Variants in MRPL42 observed in about 807,000 individuals in gnomAD.
The protein encoded by MRPL42 is mitochondrial ribosomal protein L42.
In MRPL42, 17 loss-of-function variants were observed where a neutral mutation model predicts 17.9. The ratio of observed to expected loss-of-function variants is 0.95; its 90% CI spans 0.65 to 1.42. MRPL42 has a LOEUF of 1.42. MRPL42 is among the 40% of genes most tolerant of loss of function. The probability of loss-of-function intolerance (pLI) is 0.00; values close to 1 mark genes in which losing one functional copy is unlikely to be tolerated. For synonymous variants in MRPL42, 59 were observed against 54.4 expected, an observed-to-expected ratio of 1.08 and a Z score of -0.37; for missense variants, 177 against 175.2, an observed-to-expected ratio of 1.01 and a Z score of -0.06.
intron 2 of MRPL42, among the ~76,000 whole-genome samples, chr12:93,471,633 C>T (rs1879916373): frequency 6.6e-6 from 1 of 152,132 alleles, no homozygotes; most frequent in Admixed American, 6.6e-5. Context: ...AGCTTTCCAT[C>T]CCTGCTTCCT....
chr12:93,479,204 T>A (rs1177568989), intron 3 of MRPL42, among the ~76,000 whole-genome samples, 184 bp from the exon 4 acceptor site: 4 of 151,168 alleles, frequency 2.6e-5, no homozygotes, highest in Non-Finnish European at 5.9e-5. Flanking sequence ...ATTACAGGCA[T>A]GAGCCACCAC....
rs189351410 is a variant in MRPL42, at chr12:93,488,957, C to G, written c.383+1297C>G. Among the ~76,000 whole-genome samples, 28 of 151,980 alleles carry G rather than the reference C, an allele frequency of 1.8e-4. No homozygotes were observed. In the East Asian group the frequency reaches 4.1e-3, roughly 22 times the overall value. The stretch of plus-strand genomic sequence containing the variant: ...CCTCCTTCCTCAGCCTCCTAAGTAG[C>G]TGGGATTACAGGCACACTCTGCCAC... On this transcript the variant is annotated intron_variant, in intron 5 of 5. Coordinates refer to ENST00000549982, the MANE Select transcript of MRPL42 (RefSeq NM_014050.4).
chr12:93,489,231 C>T (rs925947649), intron 5 of MRPL42, among the ~76,000 whole-genome samples: 5 of 151,956 alleles, frequency 3.3e-5, no homozygotes, highest in African/African-American at 9.7e-5. Flanking sequence ...TAGGAGTTAA[C>T]CCATGGAGAA....
intron 4 of MRPL42, among the ~76,000 whole-genome samples, chr12:93,482,915 A>G (rs1880530869): frequency 6.7e-6 from 1 of 149,356 alleles, no homozygotes; most frequent in Admixed American, 6.7e-5. Flanking sequence ...TTTTTGAGAC[A>G]GAGTCTCACT....
chr12:93,491,853 G>A (rs113501124), intron 5 of MRPL42, among the ~76,000 whole-genome samples: 2 of 152,186 alleles, frequency 1.3e-5, no homozygotes, highest in African/African-American at 2.4e-5. Context: ...CCACTTACAC[G>A]TGAGAACGTG....
chr12:93,501,285 C>T lies in MRPL42; in HGVS notation c.*64C>T. 7.9e-7 allele frequency: 1 copy of T among 1,267,710 alleles called. No homozygotes were observed. 78.5% of individuals were successfully genotyped at this position (1,267,710 alleles called of 1,614,324 possible). On this transcript the variant is annotated 3_prime_UTR_variant, in exon 6 of 6. Coordinates refer to ENST00000549982, the MANE Select transcript of MRPL42 (RefSeq NM_014050.4). Reference sequence around the variant, plus strand: ...CATTTGCCATTTGAGAAAATGCAGTCTGGTGTATTCAGTAATATATAGTAA... The same window carrying T: ...CATTTGCCATTTGAGAAAATGCAGTTTGGTGTATTCAGTAATATATAGTAA...
rs1953631404 is a variant in MRPL42, at chr12:93,503,736, A to AAT, written c.*2520_*2521dup. On this transcript the variant is annotated 3_prime_UTR_variant, in exon 6 of 6. Coordinates refer to ENST00000549982, the MANE Select transcript of MRPL42 (RefSeq NM_014050.4). ...TTAACATTTTGTATTTCTCTGCATAAATATATTTCAAAAATAAAAATAGAG... is the reference window on the plus strand; with the variant it reads ...TTAACATTTTGTATTTCTCTGCATAAATATATATTTCAAAAATAAAAATAGAG... 1 of 151,824 alleles carries AAT rather than the reference A, an allele frequency of 6.6e-6. No individual in the cohort carries two copies. The highest frequency in any genetic ancestry group is 6.6e-5 in the Admixed American group (1 of 15,228). 9.4% of individuals were successfully genotyped at this position (151,824 alleles called of 1,614,324 possible). A position where few individuals can be genotyped will look rare whatever the true frequency, so the allele number is the denominator to read the frequency against.
chr12:93,476,248 A>G (rs1250573767), intron 2 of MRPL42, among the ~76,000 whole-genome samples: 4 of 152,082 alleles, frequency 2.6e-5, no homozygotes, highest in Non-Finnish European at 4.4e-5. Context: ...GTGCAATAGC[A>G]TGATCTCAGC....
At position 93,511,071 on chromosome 12, in the gene MRPL42, C is replaced by T. The variant is rs564904220; in HGVS notation, c.*9850C>T. 26 of 152,066 alleles carry T rather than the reference C, an allele frequency of 1.7e-4. No homozygotes were observed. Among genetic ancestry groups the T allele is most frequent in the Non-Finnish European group, 3.2e-4 (22 of 68,010 alleles). 9.4% of individuals were successfully genotyped at this position (152,066 alleles called of 1,614,324 possible). A position where few individuals can be genotyped will look rare whatever the true frequency, so the allele number is the denominator to read the frequency against. On this transcript the variant is annotated 3_prime_UTR_variant, in exon 6 of 6. Coordinates refer to ENST00000549982, the MANE Select transcript of MRPL42 (RefSeq NM_014050.4). ...GTAAACCTAATGGTGACAATAAAAG[C>T]GATTCTGAATAAATGAAAACCAATA...
intron 2 of MRPL42, among the ~76,000 whole-genome samples, chr12:93,474,878 C>T (rs1160240271): frequency 1.3e-5 from 2 of 151,908 alleles, no homozygotes; most frequent in African/African-American, 2.4e-5. Flanking sequence ...GGCTGATCAC[C>T]CAAGGTCAGG....
At position 93,479,487 on chromosome 12, in the gene MRPL42, A is replaced by T. The variant is rs763555538; in HGVS notation, c.219+15A>T. 2.0e-5 allele frequency: 32 copies of T among 1,574,166 alleles called. No individual in the cohort carries two copies. The highest frequency in any genetic ancestry group is 2.7e-5 in the Non-Finnish European group (31 of 1,150,006). ...AACACACAAAAGTATGTATGAGAAA[A>T]TTTCTTGCAGTTTTTAATTTGCTGT... On this transcript the variant is annotated intron_variant, in intron 4 of 5. Transcript: ENST00000549982.
At chr12:93,500,687 C>T (rs1383283316) in intron 5 of MRPL42, 1 of 150,350 alleles carries the variant, frequency 6.7e-6, no homozygotes, top group African/African-American at 2.4e-5. Context: ...GATATTTCTT[C>T]ACTACTAAGA....
intron 4 of MRPL42, among the ~76,000 whole-genome samples, chr12:93,483,001 T>C (rs1880537338): frequency 6.6e-6 from 1 of 152,152 alleles, no homozygotes; most frequent in Non-Finnish European, 1.5e-5. Flanking sequence ...TTCAAGCGAT[T>C]CTTATGCCTC....
rs549934839 is a variant in MRPL42, at chr12:93,510,269, T to G, written c.*9048T>G. 1.4e-4 allele frequency: 22 copies of G among 152,394 alleles called. No individual in the cohort carries two copies. The highest frequency in any genetic ancestry group is 4.6e-4 in the African/African-American group (19 of 41,590). 9.4% of individuals were successfully genotyped at this position (152,394 alleles called of 1,614,324 possible). ...GTTTCCTCTATGTCTTTTCACAGTT[T>G]GATAGCTCATTTCTTTTTAGCATCG... On this transcript the variant is annotated 3_prime_UTR_variant, in exon 6 of 6. Transcript: ENST00000549982.
At chr12:93,476,842 C>T in intron 2 of MRPL42, 112 bp from the exon 3 acceptor site, 1 of 961,384 alleles carries the variant, frequency 1.0e-6, no homozygotes. Context: ...TAGCACAGGC[C>T]TGTTTCATAC....
rs1953592299 is a variant in MRPL42 at position 93,501,374 on chromosome 12, G to A, written c.*153G>A. The A allele has an allele frequency of 2.2e-6, 1 of 462,710 alleles. No individual in the cohort carries two copies. The highest frequency in any genetic ancestry group is 3.6e-6 in the Non-Finnish European group (1 of 274,206). The allele number at this position is 462,710 out of a possible 1,614,324, so 28.7% of individuals were successfully genotyped here. A position where few individuals can be genotyped will look rare whatever the true frequency, so the allele number is the denominator to read the frequency against. Reference sequence around the variant, plus strand: ...TGTACTTTTATATAAAGTAATTCTGGATTTGACATTCTCATTTAGAGAAAC... The same window carrying A: ...TGTACTTTTATATAAAGTAATTCTGAATTTGACATTCTCATTTAGAGAAAC... On this transcript the variant is annotated 3_prime_UTR_variant, in exon 6 of 6. Transcript: ENST00000549982.
In MRPL42 at chr12:93,501,669, TATG is replaced by T. The variant is rs1421205015; in HGVS notation, c.*451_*453del. The T allele has an allele frequency of 6.6e-6, 1 of 152,400 alleles. No individual in the cohort carries two copies. The highest frequency in any genetic ancestry group is 1.5e-5 in the Non-Finnish European group (1 of 68,186). 9.4% of individuals were successfully genotyped at this position (152,400 alleles called of 1,614,324 possible). ...TAGTAGGTTTATTGGGATGTAACCC[TATG>T]ATAAGTTGAGAAACATCTCTTTTTG... On this transcript the variant is annotated 3_prime_UTR_variant, in exon 6 of 6. Coordinates refer to ENST00000549982, the MANE Select transcript of MRPL42 (RefSeq NM_014050.4).
At chr12:93,501,073 TA>T in intron 5 of MRPL42, 102 bp from the exon 6 acceptor site, 2 of 865,750 alleles carry the variant, frequency 2.3e-6, no homozygotes, top group Non-Finnish European at 3.4e-6. Context: ...ATTGATTTTT[TA>T]AAAAAATAGT....
In MRPL42 at chr12:93,502,140, T is replaced by C. The variant is rs1953606100; in HGVS notation, c.*919T>C. 6.6e-6 allele frequency: 1 copy of C among 152,192 alleles called. No homozygotes were observed. Among genetic ancestry groups the C allele is most frequent in the African/African-American group, 2.4e-5 (1 of 41,446 alleles). The allele number at this position is 152,192 out of a possible 1,614,324, so 9.4% of individuals were successfully genotyped here. On this transcript the variant is annotated 3_prime_UTR_variant, in exon 6 of 6. Transcript: ENST00000549982. ...CTGGAAATTTTTCTAGATAGAATAT[T>C]ATGTAATTTGTTTTGAAGGTTTTTT... is the stretch of plus-strand genomic sequence containing the variant.
Sources: allele counts gnomAD v4.1 joint callset (sites outside exome capture counted in the v4.1 genomes callset), GRCh38; gene constraint gnomAD v4.1.1; transcripts MANE v1.5; gene names NCBI Gene and HGNC (gene_info 2026-07-23, HGNC 2026-07-21).